SHISA6: variants seen among roughly 807,000 people sequenced by gnomAD.
SHISA6 encodes the protein shisa family member 6.
Under a neutral mutation model 47.9 loss-of-function variants are expected in SHISA6, and 22 were observed. The observed-to-expected ratio is 0.46, with a 90% CI of 0.33 to 0.66. The LOEUF is 0.66. Ranked by LOEUF, SHISA6 falls within the 30% of genes least tolerant of loss-of-function variation. The pLI, the probability that SHISA6 is intolerant of heterozygous loss-of-function variation, is 0.02. For missense variants in SHISA6, 680 were observed against 764.6 expected, an observed-to-expected ratio of 0.89 and a Z score of 1.30; for synonymous variants, 388 against 337.8, an observed-to-expected ratio of 1.15 and a Z score of -1.63.
chr17:11,456,186 C>A (rs1029756965), intron 3 of SHISA6, among the ~76,000 whole-genome samples: 1 of 152,060 alleles, frequency 6.6e-6, no homozygotes, highest in Non-Finnish European at 1.5e-5. Flanking sequence ...GACGGAGGAC[C>A]GGAGGGAGGG....
At chr17:11,516,264 C>T (rs1304862447) in intron 3 of SHISA6, among the ~76,000 whole-genome samples, 1 of 152,174 alleles carries the variant, frequency 6.6e-6, no homozygotes. Context: ...CCTGCCTAAC[C>T]GTTGGGGGCA....
intron 2 of SHISA6, among the ~76,000 whole-genome samples, chr17:11,312,238 T>G (rs1198123386): frequency 6.6e-6 from 1 of 152,182 alleles, no homozygotes; most frequent in Non-Finnish European, 1.5e-5. Flanking sequence ...TTCCCTGAGT[T>G]TTATTATCTA....
chr17:11,465,982 A>G (rs1399665508), intron 3 of SHISA6, among the ~76,000 whole-genome samples: 1 of 152,124 alleles, frequency 6.6e-6, no homozygotes, highest in African/African-American at 2.4e-5. Context: ...AAGTTCTTAT[A>G]AAACGGAGTT....
chr17:11,296,919 G>A (rs1490196181), intron 2 of SHISA6, among the ~76,000 whole-genome samples: 1 of 152,162 alleles, frequency 6.6e-6, no homozygotes, highest in Admixed American at 6.5e-5. Flanking sequence ...CCATGGAGGG[G>A]CTAAATGATT....
intron 3 of SHISA6, among the ~76,000 whole-genome samples, chr17:11,424,163 T>C (rs369694553): frequency 6.6e-6 from 1 of 152,254 alleles, no homozygotes; most frequent in East Asian, 1.9e-4. Flanking sequence ...TTTTCAACAT[T>C]GATGAATGAC....
At chr17:11,358,472 G>C (rs1277126338) in intron 2 of SHISA6, among the ~76,000 whole-genome samples, 3 of 151,406 alleles carry the variant, frequency 2.0e-5, no homozygotes, top group Admixed American at 6.6e-5. Context: ...CCATTCTCCT[G>C]CCTCAGCCTC....
At chr17:11,499,608 A>G (rs963028484) in intron 3 of SHISA6, among the ~76,000 whole-genome samples, 6 of 152,012 alleles carry the variant, frequency 3.9e-5, no homozygotes, top group Admixed American at 1.3e-4. Flanking sequence ...TTAATAGGGG[A>G]GCAATGCTTT....
At chr17:11,376,886 G>A (rs187532694) in intron 2 of SHISA6, among the ~76,000 whole-genome samples, 7 of 152,244 alleles carry the variant, frequency 4.6e-5, no homozygotes, top group Non-Finnish European at 7.4e-5. Context: ...TTCTGGAGCC[G>A]GGACCCTGCG....
At chr17:11,506,594 G>A (rs979450079) in intron 3 of SHISA6, among the ~76,000 whole-genome samples, 12 of 152,284 alleles carry the variant, frequency 7.9e-5, no homozygotes, top group African/African-American at 2.6e-4. Context: ...ATGAGGTCTA[G>A]CAGTTGCACT....
At chr17:11,356,736 C>T (rs1282646281) in intron 2 of SHISA6, among the ~76,000 whole-genome samples, 2 of 152,088 alleles carry the variant, frequency 1.3e-5, no homozygotes, top group Non-Finnish European at 2.9e-5. Flanking sequence ...TGTGGTATCC[C>T]CTTAAGTTGC....
chr17:11,316,525 A>G (rs1035425420), intron 2 of SHISA6, among the ~76,000 whole-genome samples: 6 of 147,344 alleles, frequency 4.1e-5, no homozygotes, highest in African/African-American at 1.5e-4. Flanking sequence ...GGTTCAAGTG[A>G]TTCTCCTGCC....
At chr17:11,534,235 A>C (rs1221760960) in intron 3 of SHISA6, among the ~76,000 whole-genome samples, 1 of 142,042 alleles carries the variant, frequency 7.0e-6, no homozygotes, top group Non-Finnish European at 1.5e-5. Flanking sequence ...TGAACTTCTG[A>C]CTTCAAGTGA....
chr17:11,446,106 T>C (rs954916324), intron 3 of SHISA6, among the ~76,000 whole-genome samples: 5 of 152,080 alleles, frequency 3.3e-5, no homozygotes, highest in Admixed American at 6.6e-5. Context: ...GATTACAGGC[T>C]TGAGCCACCG....
chr17:11,241,981 T>G lies in SHISA6; in HGVS notation c.559T>G (p.Phe187Val). Residue 187 changes from phenylalanine (F) to valine (V), a missense_variant, in exon 1 of 6, where the codon TTC (phenylalanine) becomes GTC (valine). Physicochemically the swap from Phe to Val is conservative, Grantham distance 50. This residue lies in a region of SHISA6 where 559 missense variants were observed against 674.1 expected (regional missense o/e 0.83). Coordinates refer to ENST00000441885, the MANE Select transcript of SHISA6 (RefSeq NM_207386.4). The surrounding 1 kb of genome is among the most constrained non-coding windows in gnomAD (Gnocchi z 5.5). ...TVYITCGVIA[F>V]VIVAGVFAKV... Reference sequence around the variant, plus strand: ...CTACATCACCTGCGGGGTGATCGCCTTCGTCATCGTGGCCGGCGTCTTCGC... The same window carrying G: ...CTACATCACCTGCGGGGTGATCGCCGTCGTCATCGTGGCCGGCGTCTTCGC... 5.8e-6 allele frequency: 9 copies of G among 1,551,062 alleles called. No individual in the cohort carries two copies. The highest frequency in any genetic ancestry group is 7.8e-6 in the Non-Finnish European group (9 of 1,147,006).
At chr17:11,418,071 C>T (rs1914337289) in intron 3 of SHISA6, among the ~76,000 whole-genome samples, 1 of 152,218 alleles carries the variant, frequency 6.6e-6, no homozygotes. Context: ...AACCCTCAAA[C>T]TTCATAACAA....
intron 3 of SHISA6, among the ~76,000 whole-genome samples, chr17:11,524,966 G>GGA (rs2071663814): frequency 6.6e-6 from 1 of 152,162 alleles, no homozygotes; most frequent in African/African-American, 2.4e-5. Flanking sequence ...GATGACGGGG[G>GGA]GGTAGATGAT....
intron 3 of SHISA6, among the ~76,000 whole-genome samples, chr17:11,454,181 C>A (rs1915473330): frequency 6.6e-6 from 1 of 152,128 alleles, no homozygotes; most frequent in South Asian, 2.1e-4. Context: ...TTCCTACTCC[C>A]CATATTCAAT....
intron 2 of SHISA6, among the ~76,000 whole-genome samples, chr17:11,278,350 G>A (rs1908998651): frequency 6.6e-6 from 1 of 152,206 alleles, no homozygotes; most frequent in East Asian, 1.9e-4. Context: ...TGTCCCAACT[G>A]AGCCTCCTGA....
intron 3 of SHISA6, among the ~76,000 whole-genome samples, chr17:11,459,197 C>T (rs1292250488): frequency 2.8e-5 from 4 of 141,084 alleles, no homozygotes; most frequent in Non-Finnish European, 6.0e-5. Context: ...CCAGCCCGGG[C>T]GACAGAGCGA....
Sources: allele counts gnomAD v4.1 joint callset (sites outside exome capture counted in the v4.1 genomes callset), GRCh38; gene constraint gnomAD v4.1.1; regional missense constraint gnomAD v4.1.1; non-coding constraint Gnocchi (gnomAD v3.1); transcripts MANE v1.5; gene names NCBI Gene and HGNC (gene_info 2026-07-23, HGNC 2026-07-21).